FSIP1: variants seen among roughly 807,000 people sequenced by gnomAD.
FSIP1 encodes the protein fibrous sheath-interacting protein 1.
Under a neutral mutation model 60.9 loss-of-function variants are expected in FSIP1, and 65 were observed. The ratio of observed to expected loss-of-function variants is 1.07; its 90% confidence interval spans 0.87 to 1.31. The LOEUF (loss-of-function observed/expected upper bound fraction) is 1.31. Ranked by LOEUF, FSIP1 falls within the 40% of genes most tolerant of loss-of-function variation. The probability of loss-of-function intolerance (pLI) is 0.00; values close to 1 mark genes in which losing one functional copy is unlikely to be tolerated. For synonymous variants in FSIP1, 209 were observed against 221.2 expected, an observed-to-expected ratio of 0.94 and a Z score of 0.49; for missense variants, 675 against 665.5, an observed-to-expected ratio of 1.01 and a Z score of -0.16.
chr15:39,626,508 C>T (rs1891644975), intron 10 of FSIP1, among the ~76,000 whole-genome samples: 1 of 152,048 alleles, frequency 6.6e-6, no homozygotes, highest in East Asian at 1.9e-4. Context: ...GCTCTGTGTC[C>T]CCACCCAAAT....
intron 10 of FSIP1, among the ~76,000 whole-genome samples, chr15:39,625,852 C>T (rs1409033923): frequency 6.6e-6 from 1 of 152,230 alleles, no homozygotes; most frequent in East Asian, 1.9e-4. Flanking sequence ...CCACCCCCTA[C>T]TCCGGGAAGT....
At chr15:39,629,191 T>C (rs975325947) in intron 10 of FSIP1, among the ~76,000 whole-genome samples, 8 of 152,138 alleles carry the variant, frequency 5.3e-5, no homozygotes, top group Non-Finnish European at 1.0e-4. Flanking sequence ...TGTACTCTTG[T>C]AGATTCCTGG....
intron 10 of FSIP1, among the ~76,000 whole-genome samples, chr15:39,679,298 A>G (rs1191342373): frequency 6.6e-6 from 1 of 152,242 alleles, no homozygotes; most frequent in Non-Finnish European, 1.5e-5. Context: ...TTTACAAGCC[A>G]AAGACATCAA....
At position 39,741,827 on chromosome 15, in the gene FSIP1, C is replaced by A; in HGVS notation, c.633G>T (p.Met211Ile). Residue 211 changes from methionine (M) to isoleucine (I), a missense_variant, in exon 6 of 12, where the codon ATG becomes ATT. By Grantham distance (10) the Met-to-Ile change is conservative. Transcript: ENST00000350221. ...TACCTTTATTGAGTTTCTGCATCTG[C>A]ATTTCATATTCTTCTGGAGGGATTT... ...HTQIPPEEYEMQMQKLNKDFT... is the reference protein window; with the variant it reads ...HTQIPPEEYEIQMQKLNKDFT... 6.3e-7 allele frequency: 1 copy of A among 1,593,460 alleles called. No homozygotes were observed. Among genetic ancestry groups the A allele is most frequent in the Non-Finnish European group, 8.6e-7 (1 of 1,162,028 alleles).
intron 10 of FSIP1, among the ~76,000 whole-genome samples, chr15:39,676,516 T>C (rs985443322): frequency 2.0e-5 from 3 of 152,230 alleles, no homozygotes; most frequent in Admixed American, 2.0e-4. Flanking sequence ...TCTGGATATA[T>C]TCCTGAAGAC....
intron 10 of FSIP1, among the ~76,000 whole-genome samples, chr15:39,632,576 C>T (rs992312433): frequency 3.3e-5 from 5 of 152,094 alleles, no homozygotes; most frequent in East Asian, 1.9e-4. Flanking sequence ...GGGTGGATCA[C>T]GAGGTCAGGA....
chr15:39,690,196 G>A (rs539492471), intron 10 of FSIP1, among the ~76,000 whole-genome samples: 8 of 152,284 alleles, frequency 5.3e-5, no homozygotes, highest in South Asian at 2.1e-4. Flanking sequence ...ACTGAAAAGC[G>A]TACAGCCAGC....
chr15:39,668,919 C>T (rs1275062884), intron 10 of FSIP1, among the ~76,000 whole-genome samples: 1 of 152,130 alleles, frequency 6.6e-6, no homozygotes, highest in African/African-American at 2.4e-5. Context: ...CCAGAATTAA[C>T]CATAAGATCT....
intron 10 of FSIP1, among the ~76,000 whole-genome samples, chr15:39,642,244 T>A (rs926120543): frequency 6.6e-6 from 1 of 152,228 alleles, no homozygotes; most frequent in Non-Finnish European, 1.5e-5. Flanking sequence ...GCCCTAAGCA[T>A]GCTTGCTAAT....
chr15:39,777,819 T>C (rs114318002), intron 1 of FSIP1, among the ~76,000 whole-genome samples: 2,728 of 152,288 alleles, frequency 0.018, 79 homozygotes, highest in African/African-American at 0.061. Flanking sequence ...AAAAAGGCAA[T>C]TGCCTCTACC....
Position 39,769,832 on chromosome 15 carries a change from C to T in FSIP1, c.310+595G>A, listed in dbSNP as rs142128599. Among the ~76,000 whole-genome samples, 42 of 152,240 alleles carry T rather than the reference C, an allele frequency of 2.8e-4. 1 individual carries two copies. The East Asian group carries it at 3.5e-3, about 13-fold the overall frequency. On this transcript the variant is annotated intron_variant, in intron 3 of 11. Coordinates refer to ENST00000350221, the MANE Select transcript of FSIP1 (RefSeq NM_152597.5). The stretch of plus-strand genomic sequence containing the variant: ...GCACCAGCAATTTTGCCCACCATTC[C>T]TTTTATACCATCAGTGCAAATGTCA...
At chr15:39,616,964 T>A (rs1204979808) in intron 11 of FSIP1, among the ~76,000 whole-genome samples, 3 of 152,102 alleles carry the variant, frequency 2.0e-5, no homozygotes, top group African/African-American at 7.2e-5. Flanking sequence ...GAAAGAGAAG[T>A]AATTCAGTGA....
At chr15:39,739,885 AAC>A (rs1896748214) in intron 6 of FSIP1, 96 bp from the exon 7 acceptor site, 1 of 690,780 alleles carries the variant, frequency 1.4e-6, no homozygotes, top group Non-Finnish European at 2.2e-6. Context: ...TAAGAACTAA[AAC>A]ACACACAGAA....
chr15:39,754,300 G>A (rs946081972), intron 5 of FSIP1, among the ~76,000 whole-genome samples: 6 of 152,066 alleles, frequency 3.9e-5, no homozygotes, highest in Non-Finnish European at 5.9e-5. Context: ...CCATTTGACA[G>A]GAGGGATCTT....
intron 2 of FSIP1, among the ~76,000 whole-genome samples, chr15:39,770,865 G>A (rs1245461845): frequency 6.6e-6 from 1 of 152,168 alleles, no homozygotes; most frequent in Non-Finnish European, 1.5e-5. Context: ...AGTCCTGAAG[G>A]GAACTGCTAT....
rs1295809903 is a variant in FSIP1 at position 39,770,474 on chromosome 15, T to A, written c.263A>T (p.Asp88Val). 1 of 1,610,728 alleles carries A rather than the reference T, an allele frequency of 6.2e-7. No homozygotes were observed. The highest frequency in any genetic ancestry group is 8.5e-7 in the Non-Finnish European group (1 of 1,179,384). The change falls in exon 3 of 12, where the codon GAT (aspartate) becomes GTT (valine). Residue 88 changes from aspartate to valine, a missense_variant. Coordinates refer to ENST00000350221, the MANE Select transcript of FSIP1 (RefSeq NM_152597.5). ...ATGTTGAACCAAATCCAGATCTTCATCTGATCCCTCTTCAGCCAATTTTAT... is the reference window on the plus strand; with the variant it reads ...ATGTTGAACCAAATCCAGATCTTCAACTGATCCCTCTTCAGCCAATTTTAT... Reference protein sequence around the residue: ...EKIKLAEEGSDEDLDLVQHQI... With the variant: ...EKIKLAEEGSVEDLDLVQHQI...
intron 9 of FSIP1, among the ~76,000 whole-genome samples, chr15:39,720,646 T>C (rs1405555841): frequency 1.3e-5 from 2 of 152,210 alleles, no homozygotes; most frequent in African/African-American, 4.8e-5. Context: ...AACTGAATGC[T>C]TACATAACTC....
chr15:39,715,322 T>C (rs1340052666), intron 9 of FSIP1, among the ~76,000 whole-genome samples: 1 of 152,110 alleles, frequency 6.6e-6, no homozygotes, highest in Non-Finnish European at 1.5e-5. Flanking sequence ...TTCCCTGACA[T>C]ACCCACAAAG....
At chr15:39,731,625 C>A (rs1896407509) in intron 8 of FSIP1, among the ~76,000 whole-genome samples, 1 of 150,922 alleles carries the variant, frequency 6.6e-6, no homozygotes. Flanking sequence ...ATGGCATCAT[C>A]ATTTTTTTCT....
Sources: gnomAD v4.1 joint callset for allele counts (sites outside exome capture counted in the v4.1 genomes callset) on GRCh38, gnomAD v4.1.1 for gene constraint, MANE v1.5 for transcripts, NCBI Gene and HGNC (gene_info 2026-07-23, HGNC 2026-07-21) for gene names.